Variants in SMYD3 observed in about 807,000 individuals in gnomAD.
The protein encoded by SMYD3 is SET and MYND domain containing 3, also known as histone-lysine N-methyltransferase SMYD3.
A neutral mutation model predicts 57.7 loss-of-function variants in SMYD3; 36 were observed. The ratio of observed to expected loss-of-function variants is 0.62; its 90% CI spans 0.48 to 0.82. The LOEUF (loss-of-function observed/expected upper bound fraction) is 0.82. Ranked by LOEUF, SMYD3 falls within the 40% of genes least tolerant of loss-of-function variation. The pLI is 0.00. For synonymous variants in SMYD3, 211 were observed against 195.0 expected, an observed-to-expected ratio of 1.08 and a Z score of -0.68; for missense variants, 515 against 538.8, an observed-to-expected ratio of 0.96 and a Z score of 0.44.
intron 1 of SMYD3, among the ~76,000 whole-genome samples, chr1:246,467,136 C>G (rs1572525301): frequency 6.6e-6 from 1 of 152,076 alleles, no homozygotes; most frequent in East Asian, 1.9e-4. Flanking sequence ...CATCACTGCA[C>G]TCCAGCCTTG....
At chr1:246,352,605 C>T (rs1173702447) in intron 2 of SMYD3, among the ~76,000 whole-genome samples, 1 of 152,210 alleles carries the variant, frequency 6.6e-6, no homozygotes, top group Non-Finnish European at 1.5e-5. Flanking sequence ...CTTCATCTTG[C>T]TAGCTGTTTT....
chr1:246,230,354 A>G (rs1173390650), intron 5 of SMYD3, among the ~76,000 whole-genome samples: 1 of 152,188 alleles, frequency 6.6e-6, no homozygotes, highest in African/African-American at 2.4e-5. Flanking sequence ...AGAAAGATTT[A>G]GTTTGCATAA....
At chr1:246,324,850 A>G (rs1318717882) in intron 5 of SMYD3, among the ~76,000 whole-genome samples, 1 of 151,208 alleles carries the variant, frequency 6.6e-6, no homozygotes, top group Non-Finnish European at 1.5e-5. Flanking sequence ...ATCTTCACCC[A>G]GTTCCCGTGT....
intron 1 of SMYD3, among the ~76,000 whole-genome samples, chr1:246,380,131 G>C (rs552489423): frequency 2.6e-4 from 39 of 151,920 alleles, no homozygotes; most frequent in Non-Finnish European, 3.4e-4. Flanking sequence ...AGATAATACA[G>C]TACATTAAAT....
chr1:246,457,560 AAAAGAAAAG>A (rs1220186998), intron 1 of SMYD3, among the ~76,000 whole-genome samples: 2 of 148,064 alleles, frequency 1.4e-5, no homozygotes, highest in Non-Finnish European at 3.0e-5. Flanking sequence ...AAAAGAAAAG[AAAAGAAAAG>A]AAAAGAAAAA....
At chr1:246,042,516 C>G (rs964241006) in intron 5 of SMYD3, among the ~76,000 whole-genome samples, 1 of 152,132 alleles carries the variant, frequency 6.6e-6, no homozygotes, top group African/African-American at 2.4e-5. Context: ...TTGGGAACAC[C>G]GTTCAATTAC....
At chr1:246,307,413 C>CT (rs869254416) in intron 5 of SMYD3, among the ~76,000 whole-genome samples, 4,995 of 96,026 alleles carry the variant, frequency 0.052, 137 homozygotes, top group Non-Finnish European at 0.062. Flanking sequence ...TTAGGGGATT[C>CT]TTTTTTTTTT....
chr1:246,481,609 C>CACACAA (rs1553354781), intron 1 of SMYD3, among the ~76,000 whole-genome samples: 1 of 34,196 alleles, frequency 2.9e-5, no homozygotes, highest in African/African-American at 1.2e-4. Context: ...TATATATATA[C>CACACAA]ACATACATAT....
chr1:246,078,161 C>G (rs2060578424), intron 5 of SMYD3, among the ~76,000 whole-genome samples: 1 of 152,112 alleles, frequency 6.6e-6, no homozygotes, highest in Non-Finnish European at 1.5e-5. Flanking sequence ...GCCCCAAACA[C>G]TCCTTATTGG....
At chr1:245,758,949 G>A (rs145590705) in intron 11 of SMYD3, among the ~76,000 whole-genome samples, 1 of 152,236 alleles carries the variant, frequency 6.6e-6, no homozygotes, top group African/African-American at 2.4e-5. Context: ...GCTTTAGCCG[G>A]CTTTCTCTGA....
chr1:246,425,264 C>A (rs1182906564), intron 1 of SMYD3, among the ~76,000 whole-genome samples: 1 of 152,130 alleles, frequency 6.6e-6, no homozygotes, highest in African/African-American at 2.4e-5. Flanking sequence ...AAGTTACCCC[C>A]ACCCACATAT....
chr1:245,972,159 C>A (rs540112190), intron 5 of SMYD3, among the ~76,000 whole-genome samples: 2 of 152,296 alleles, frequency 1.3e-5, no homozygotes, highest in African/African-American at 4.8e-5. Context: ...CTCCTGTCTC[C>A]TAAAAGCAGG....
chr1:246,353,400 C>A (rs573679606), intron 2 of SMYD3, among the ~76,000 whole-genome samples: 8 of 152,104 alleles, frequency 5.3e-5, no homozygotes, highest in African/African-American at 1.7e-4. Flanking sequence ...CATGGTGGCA[C>A]GTACCTGTAG....
intron 8 of SMYD3, among the ~76,000 whole-genome samples, chr1:245,865,549 C>A (rs2148498745): frequency 6.6e-6 from 1 of 152,310 alleles, no homozygotes; most frequent in East Asian, 1.9e-4. Context: ...CACCCCAGGT[C>A]TGTTTGATTC....
chr1:246,260,662 A>C (rs1462320675), intron 5 of SMYD3, among the ~76,000 whole-genome samples: 1 of 151,784 alleles, frequency 6.6e-6, no homozygotes, highest in East Asian at 1.9e-4. Context: ...CGATCTCTTG[A>C]CCTCGTGATC....
At chr1:246,014,550 T>A (rs747597848) in intron 5 of SMYD3, among the ~76,000 whole-genome samples, 2 of 152,022 alleles carry the variant, frequency 1.3e-5, no homozygotes, top group Non-Finnish European at 1.5e-5. Flanking sequence ...TGTCTCCAGT[T>A]CTCCAAAATA....
At chr1:245,895,830 T>C (rs1184584926) in intron 8 of SMYD3, among the ~76,000 whole-genome samples, 2 of 152,202 alleles carry the variant, frequency 1.3e-5, no homozygotes, top group South Asian at 2.1e-4. Context: ...GTGTAACTCA[T>C]AGGTGTCGTG....
intron 5 of SMYD3, among the ~76,000 whole-genome samples, chr1:246,182,094 T>C (rs1222419266): frequency 6.6e-6 from 1 of 152,226 alleles, no homozygotes; most frequent in Non-Finnish European, 1.5e-5. Flanking sequence ...CAAATTAATC[T>C]AATTTTTAAA....
At chr1:245,760,391 G>A (rs2045795672) in intron 11 of SMYD3, among the ~76,000 whole-genome samples, 1 of 152,150 alleles carries the variant, frequency 6.6e-6, no homozygotes, top group African/African-American at 2.4e-5. Flanking sequence ...TCCTGAGAAA[G>A]CTCAGGAAAG....
Sources: gnomAD v4.1 joint callset for allele counts (sites outside exome capture counted in the v4.1 genomes callset) on GRCh38, gnomAD v4.1.1 for gene constraint, MANE v1.5 for transcripts, NCBI Gene and HGNC (gene_info 2026-07-23, HGNC 2026-07-21) for gene names.